Variants in ALG5 observed in about 807,000 individuals in gnomAD.
The protein encoded by ALG5 is ALG5 dolichyl-phosphate beta-glucosyltransferase, also known as dolichyl-phosphate beta-glucosyltransferase.
Under a neutral mutation model 51.8 loss-of-function variants are expected in ALG5, and 26 were observed. The ratio of observed to expected loss-of-function variants is 0.50; its 90% confidence interval spans 0.37 to 0.70. The LOEUF is 0.70. Among genes scored for constraint, ALG5 ranks in the 30% least tolerant of loss-of-function variants. The pLI, the probability that ALG5 is intolerant of heterozygous loss-of-function variation, is 0.00. For synonymous variants in ALG5, 141 were observed against 136.1 expected, an observed-to-expected ratio of 1.04 and a Z score of -0.25; for missense variants, 311 against 399.3, an observed-to-expected ratio of 0.78 and a Z score of 1.88.
At chr13:36,994,938 C>A in intron 3 of ALG5, 51 bp downstream of exon 3, 1 of 1,531,426 alleles carries the variant, frequency 6.5e-7, no homozygotes, top group Non-Finnish European at 9.0e-7. Flanking sequence ...CAATTGGTGA[C>A]CTGGTCTAGT....
Position 36,972,763 on chromosome 13 carries a change from A to C in ALG5, c.562-727T>G, listed in dbSNP as rs555591997. On this transcript the variant is annotated intron_variant, in intron 6 of 9. Transcript: ENST00000239891. Reference sequence around the variant, plus strand: ...ATCGCAGCACTTTGGGAGGCCAAGGAGGGCAGATCACGAGGTCAGGAGATC... The same window carrying C: ...ATCGCAGCACTTTGGGAGGCCAAGGCGGGCAGATCACGAGGTCAGGAGATC... Among the ~76,000 whole-genome samples the C allele has an allele frequency of 1.2e-4, 19 of 152,126 alleles. No homozygotes were observed. In the East Asian group the frequency reaches 2.9e-3, roughly 23 times the overall value.
Position 36,981,737 on chromosome 13 carries a change from C to T in ALG5, c.561+3890G>A, listed in dbSNP as rs181739025. 4.4e-4 allele frequency among the ~76,000 whole-genome samples: 67 copies of T among 152,250 alleles called. 1 individual carries two copies. Among genetic ancestry groups the T allele is most frequent in the African/African-American group, 1.5e-3 (63 of 41,556 alleles). On this transcript the variant is annotated intron_variant, in intron 6 of 9. Coordinates refer to ENST00000239891, the MANE Select transcript of ALG5 (RefSeq NM_013338.5). ...ATGTAATGTGGAAACCAAATCCACA[C>T]GAACAGACACATCTTCAGTGGAAAA... is the stretch of plus-strand genomic sequence containing the variant.
chr13:36,986,953 A>G (rs890474022), intron 5 of ALG5, among the ~76,000 whole-genome samples: 3 of 152,174 alleles, frequency 2.0e-5, no homozygotes, highest in Non-Finnish European at 4.4e-5. Context: ...TATGGCCTTC[A>G]CTTTGCTGCA....
chr13:36,970,324 A>G (rs998399302), intron 7 of ALG5, among the ~76,000 whole-genome samples: 8 of 152,160 alleles, frequency 5.3e-5, no homozygotes, highest in Admixed American at 2.6e-4. Flanking sequence ...TCTAAAAAAA[A>G]GAGAAGAGGC....
intron 4 of ALG5, 143 bp downstream of exon 4, chr13:36,993,461 T>C: frequency 1.5e-6 from 1 of 670,036 alleles, no homozygotes; most frequent in Non-Finnish European, 2.6e-6. Context: ...ATGAAATCTG[T>C]TTTTTCTGCT....
intron 5 of ALG5, among the ~76,000 whole-genome samples, chr13:36,986,276 A>G (rs1356965610): frequency 6.6e-6 from 1 of 152,218 alleles, no homozygotes; most frequent in Non-Finnish European, 1.5e-5. Flanking sequence ...AATTATGCAT[A>G]AATCCAAATG....
intron 3 of ALG5, among the ~76,000 whole-genome samples, chr13:36,993,882 C>G (rs962155257): frequency 1.3e-5 from 2 of 152,158 alleles, no homozygotes; most frequent in Admixed American, 1.3e-4. Context: ...AATATTGACT[C>G]AATCTCTCCA....
intron 6 of ALG5, among the ~76,000 whole-genome samples, chr13:36,985,300 T>C (rs942328655): frequency 2.0e-5 from 3 of 152,150 alleles, no homozygotes; most frequent in Non-Finnish European, 4.4e-5. Flanking sequence ...TCATTTCACA[T>C]CTTTACCTGG....
intron 7 of ALG5, among the ~76,000 whole-genome samples, chr13:36,966,084 A>G (rs1052298610): frequency 2.0e-5 from 3 of 152,186 alleles, no homozygotes; most frequent in Non-Finnish European, 4.4e-5. Context: ...CATGTATTTC[A>G]GTTTCAAAAA....
At chr13:36,991,589 G>C (rs928475137) in intron 4 of ALG5, among the ~76,000 whole-genome samples, 1 of 152,176 alleles carries the variant, frequency 6.6e-6, no homozygotes, top group East Asian at 1.9e-4. Flanking sequence ...GATGAACCAT[G>C]ATTGGTCTAA....
intron 6 of ALG5, among the ~76,000 whole-genome samples, chr13:36,981,249 A>G (rs2138813979): frequency 6.6e-6 from 1 of 152,280 alleles, no homozygotes; most frequent in Admixed American, 6.5e-5. Flanking sequence ...AAAATCAGCT[A>G]AGAAAGAAGA....
At chr13:36,965,757 T>C in intron 7 of ALG5, 31 bp from the exon 8 acceptor site, 1 of 1,596,870 alleles carries the variant, frequency 6.3e-7, no homozygotes, top group Non-Finnish European at 8.5e-7. Flanking sequence ...TAAATGACTT[T>C]TCCATTCATC....
At chr13:36,971,953 C>A in intron 7 of ALG5, 24 bp downstream of exon 7, 1 of 1,581,428 alleles carries the variant, frequency 6.3e-7, no homozygotes, top group Admixed American at 1.7e-5. Flanking sequence ...ATTGGCTGTC[C>A]CATGCCAATT....
At chr13:36,967,652 T>C (rs941320749) in intron 7 of ALG5, 5 of 407,240 alleles carry the variant, frequency 1.2e-5, no homozygotes, top group African/African-American at 8.4e-5. Context: ...TAGTTATGGG[T>C]TGATGTAAAT....
chr13:36,998,523 T>C (rs2059062657), intron 1 of ALG5, among the ~76,000 whole-genome samples: 1 of 152,212 alleles, frequency 6.6e-6, no homozygotes, highest in Non-Finnish European at 1.5e-5. Context: ...GCCAATTTTC[T>C]ACCACTTAAC....
rs1287604984 is a variant in ALG5 at position 36,950,516 on chromosome 13, TTGTCTCGGGC to T, written c.860-469_860-460del. Reference sequence around the variant, plus strand: ...TTAAGATAATTTTGTCCAGACCTCTTTGTCTCGGGCTACACAAGAACACCAGCCTAATTAA... The same window carrying T: ...TTAAGATAATTTTGTCCAGACCTCTTTACACAAGAACACCAGCCTAATTAA... On this transcript the variant is annotated intron_variant, in intron 9 of 9. Transcript: ENST00000239891. Among the ~76,000 whole-genome samples, 13 of 152,354 alleles carry T rather than the reference TTGTCTCGGGC, an allele frequency of 8.5e-5. No individual in the cohort carries two copies. The East Asian group carries it at 2.5e-3, about 29-fold the overall frequency.
chr13:36,999,250 G>A lies in ALG5; in HGVS notation c.51C>T (p.Ala17=). 6.3e-7 allele frequency: 1 copy of A among 1,580,662 alleles called. No homozygotes were observed. The highest frequency in any genetic ancestry group is 8.6e-7 in the Non-Finnish European group (1 of 1,166,366). ...QLAVLGAALA[A]AALVLISIVA... The stretch of plus-strand genomic sequence containing the variant: ...CTGTTCTCACCAGTACGAGGGCTGC[G>A]GCCGCCAGCGCCGCGCCGAGCACCG... The change falls in exon 1 of 10, where the codon GCC becomes GCT. Residue 17 remains alanine (A), a synonymous_variant. Transcript: ENST00000239891.
chr13:36,982,035 A>G (rs1327191461), intron 6 of ALG5, among the ~76,000 whole-genome samples: 3 of 152,268 alleles, frequency 2.0e-5, no homozygotes, highest in South Asian at 4.1e-4. Context: ...AGCTTGCAGT[A>G]AGCTGAGATT....
At chr13:36,992,111 A>C (rs1477888292) in intron 4 of ALG5, among the ~76,000 whole-genome samples, 1 of 152,252 alleles carries the variant, frequency 6.6e-6, no homozygotes, top group Non-Finnish European at 1.5e-5. Context: ...ACTTCCTGGC[A>C]GATGAGATAA....
Sources: gnomAD v4.1 joint callset for allele counts (sites outside exome capture counted in the v4.1 genomes callset) on GRCh38, gnomAD v4.1.1 for gene constraint, MANE v1.5 for transcripts, NCBI Gene and HGNC (gene_info 2026-07-23, HGNC 2026-07-21) for gene names.